BBS2: variants seen among roughly 807,000 people sequenced by gnomAD.
BBS2 encodes Bardet-Biedl syndrome 2.
BBS2 carries 62 observed loss-of-function variants against 83.0 expected under a neutral mutation model. That is an observed-to-expected ratio of 0.75 (90% CI 0.61 to 0.92). The LOEUF (loss-of-function observed/expected upper bound fraction) is 0.92. Among genes scored for constraint, BBS2 ranks in the 40% least tolerant of loss-of-function variants. The probability of loss-of-function intolerance (pLI) is 0.00; values close to 1 mark genes in which losing one functional copy is unlikely to be tolerated. For synonymous variants in BBS2, 303 were observed against 326.1 expected, an observed-to-expected ratio of 0.93 and a Z score of 0.76; for missense variants, 784 against 901.0, an observed-to-expected ratio of 0.87 and a Z score of 1.66.
chr16:56,496,842 A>AATAACT, intron 15 of BBS2, 125 bp downstream of exon 15: 1 of 789,028 alleles, frequency 1.3e-6, no homozygotes, highest in South Asian at 1.4e-5. Flanking sequence ...TTTACTGATA[A>AATAACT]TGCCAAGTTA....
chr16:56,489,753 T>C (rs1375769867), intron 15 of BBS2, among the ~76,000 whole-genome samples: 6 of 151,318 alleles, frequency 4.0e-5, no homozygotes. Context: ...TGAGCCAAGA[T>C]AGCGCCATTG....
chr16:56,471,783 G>A (rs1160274813), intron 17 of BBS2, among the ~76,000 whole-genome samples: 1 of 152,228 alleles, frequency 6.6e-6, no homozygotes, highest in African/African-American at 2.4e-5. Context: ...AGTAAAACCA[G>A]ACCCAGGTGG....
At chr16:56,476,069 AT>A (rs764901022) in intron 17 of BBS2, 1 of 1,613,168 alleles carries the variant, frequency 6.2e-7, no homozygotes, top group African/African-American at 1.3e-5. Flanking sequence ...CCAGAAAGCA[AT>A]TCTTTGGCAT....
chr16:56,477,854 G>C (rs2144075872), intron 17 of BBS2: 1 of 152,216 alleles, frequency 6.6e-6, no homozygotes, highest in African/African-American at 2.4e-5. Flanking sequence ...TAAAACTTTT[G>C]AGTATTCATT....
intron 17 of BBS2, among the ~76,000 whole-genome samples, chr16:56,475,289 A>G (rs1963406955): frequency 6.6e-6 from 1 of 152,206 alleles, no homozygotes; most frequent in African/African-American, 2.4e-5. Flanking sequence ...TTGAAATAAG[A>G]CTGCATTTCA....
intron 14 of BBS2, 107 bp downstream of exon 14, chr16:56,497,636 T>C (rs1338541883): frequency 1.5e-5 from 23 of 1,504,170 alleles, no homozygotes; most frequent in Non-Finnish European, 1.9e-5. Context: ...ATTGCAAAAA[T>C]TCTTGAAAAC....
intron 12 of BBS2, chr16:56,498,852 C>T: frequency 1.7e-6 from 1 of 593,148 alleles, no homozygotes; most frequent in South Asian, 1.9e-5. Context: ...ATAGCATCTT[C>T]TACTTAGACA....
chr16:56,494,385 A>T (rs72622272), intron 15 of BBS2, among the ~76,000 whole-genome samples: 37,919 of 151,722 alleles, frequency 0.25, 5,371 homozygotes, highest in East Asian at 0.43. Context: ...GAAAAAAAAA[A>T]TTCCTAGCTC....
At chr16:56,519,632 C>A in intron 1 of BBS2, 114 bp downstream of exon 1, 1 of 827,060 alleles carries the variant, frequency 1.2e-6, no homozygotes, top group Non-Finnish European at 2.0e-6. Flanking sequence ...GACCGGTTGC[C>A]GGGCAACACG....
chr16:56,480,693 A>G (rs1308700813), downstream of BBS2, among the ~76,000 whole-genome samples: 1 of 152,184 alleles, frequency 6.6e-6, no homozygotes, highest in African/African-American at 2.4e-5. Context: ...TTTGGGGTGC[A>G]TTACTGCTTC....
At chr16:56,498,817 C>T in intron 12 of BBS2, 1 of 950,402 alleles carries the variant, frequency 1.1e-6, no homozygotes. Context: ...ATAATTATGC[C>T]TGGCCCCACA....
chr16:56,519,637 A>T, intron 1 of BBS2, 109 bp downstream of exon 1: 1 of 877,232 alleles, frequency 1.1e-6, no homozygotes, highest in Non-Finnish European at 1.8e-6. Context: ...GTTGCCGGGC[A>T]ACACGGGCTG....
chr16:56,501,134 C>G, intron 10 of BBS2, 109 bp from the exon 11 acceptor site: 2 of 1,384,436 alleles, frequency 1.4e-6, no homozygotes, highest in Non-Finnish European at 2.0e-6. Flanking sequence ...CACGGTGAAA[C>G]CCTATCTCTA....
intron 2 of BBS2, among the ~76,000 whole-genome samples, chr16:56,512,680 G>T (rs546472387): frequency 6.6e-6 from 1 of 152,326 alleles, no homozygotes; most frequent in South Asian, 2.1e-4. Flanking sequence ...TCAGAACAGT[G>T]ATTGTCTATG....
chr16:56,472,834 T>G (rs1286853815), intron 17 of BBS2, among the ~76,000 whole-genome samples: 2 of 152,222 alleles, frequency 1.3e-5, no homozygotes, highest in East Asian at 3.8e-4. Flanking sequence ...AACCTCTTTC[T>G]GATCCTTTTA....
intron 15 of BBS2, among the ~76,000 whole-genome samples, chr16:56,491,981 T>G (rs932456225): frequency 2.6e-5 from 4 of 151,808 alleles, no homozygotes; most frequent in Non-Finnish European, 5.9e-5. Flanking sequence ...TGTACACTGT[T>G]GATTACAATG....
intron 3 of BBS2, 80 bp downstream of exon 3, chr16:56,511,079 C>CA (rs1377238141): frequency 2.5e-6 from 4 of 1,585,704 alleles, no homozygotes; most frequent in Non-Finnish European, 3.5e-6. Flanking sequence ...TATTATTACT[C>CA]AGTAGAGTTG....
rs141796251 is a variant in BBS2 at position 56,491,480 on chromosome 16, C to T, written c.1910+5487G>A. 6.1e-3 allele frequency among the ~76,000 whole-genome samples: 934 copies of T among 152,214 alleles called. 12 individuals are homozygous for T. The highest frequency in any genetic ancestry group is 0.021 in the African/African-American group (877 of 41,532). ...CACATGGCCCTCAACAGAAGTCAAG[C>T]GGATGCCAGTGCCATGTTTCTTGTA... On this transcript the variant is annotated intron_variant, in intron 15 of 16. Transcript: ENST00000245157.
intron 15 of BBS2, among the ~76,000 whole-genome samples, chr16:56,486,600 T>C (rs1963783371): frequency 6.6e-6 from 1 of 152,198 alleles, no homozygotes; most frequent in Non-Finnish European, 1.5e-5. Context: ...CTCAAAAGGA[T>C]ATATAGATAT....
Sources: gnomAD v4.1 joint callset for allele counts (sites outside exome capture counted in the v4.1 genomes callset) on GRCh38, gnomAD v4.1.1 for gene constraint, MANE v1.5 for transcripts, NCBI Gene and HGNC (gene_info 2026-07-23, HGNC 2026-07-21) for gene names.